Variants in SMYD3 observed in about 807,000 individuals in gnomAD.
The protein encoded by SMYD3 is SET and MYND domain containing 3, also known as histone-lysine N-methyltransferase SMYD3.
Under a neutral mutation model 57.7 loss-of-function variants are expected in SMYD3, and 36 were observed. The observed-to-expected ratio is 0.62, with a 90% CI of 0.48 to 0.82. The LOEUF is 0.82. Among genes scored for constraint, SMYD3 ranks in the 40% least tolerant of loss-of-function variants. The probability of loss-of-function intolerance (pLI) is 0.00; values close to 1 mark genes in which losing one functional copy is unlikely to be tolerated. For synonymous variants in SMYD3, 211 were observed against 195.0 expected, an observed-to-expected ratio of 1.08 and a Z score of -0.68; for missense variants, 515 against 538.8, an observed-to-expected ratio of 0.96 and a Z score of 0.44.
At chr1:245,984,088 C>A (rs1048221490) in intron 5 of SMYD3, among the ~76,000 whole-genome samples, 1 of 151,172 alleles carries the variant, frequency 6.6e-6, no homozygotes, top group East Asian at 2.0e-4. Context: ...CAACCTCTGC[C>A]TTCTGGGTTC....
At chr1:246,076,091 A>G (rs1046825374) in intron 5 of SMYD3, among the ~76,000 whole-genome samples, 1 of 152,190 alleles carries the variant, frequency 6.6e-6, no homozygotes, top group African/African-American at 2.4e-5. Context: ...ATTCATCTGC[A>G]TAAGAAATGG....
In SMYD3 at chr1:246,297,485, T is replaced by A. The variant is rs564625335; in HGVS notation, c.531+29716A>T. Among the ~76,000 whole-genome samples, 4 of 152,226 alleles carry A rather than the reference T, an allele frequency of 2.6e-5. No individual in the cohort carries two copies. The East Asian group carries it at 7.7e-4, about 29-fold the overall frequency. On this transcript the variant is annotated intron_variant, in intron 5 of 11. Transcript: ENST00000490107. ...AAACAACGCATCCAAGAATTTGTCT[T>A]ATATTCTAAGATCAAGAACCCTCAA... is the stretch of plus-strand genomic sequence containing the variant.
At chr1:246,224,996 G>A (rs12037023) in intron 5 of SMYD3, among the ~76,000 whole-genome samples, 40,190 of 151,666 alleles carry the variant, frequency 0.26, 6,054 homozygotes, top group East Asian at 0.58. Flanking sequence ...ACCAGTAGAT[G>A]GCTGGACATA....
At chr1:245,766,400 TAAAAAA>T (rs35500837) in intron 10 of SMYD3, among the ~76,000 whole-genome samples, 3 of 101,766 alleles carry the variant, frequency 2.9e-5, no homozygotes, top group Non-Finnish European at 4.0e-5. Flanking sequence ...GACTCTGTCT[TAAAAAA>T]AAAAAAAAAA....
chr1:245,787,998 T>C (rs1391271374), intron 10 of SMYD3, among the ~76,000 whole-genome samples: 1 of 152,150 alleles, frequency 6.6e-6, no homozygotes, highest in Non-Finnish European at 1.5e-5. Flanking sequence ...GCAAGATGCA[T>C]GGATGGGACC....
intron 5 of SMYD3, among the ~76,000 whole-genome samples, chr1:246,118,646 C>T (rs1308723526): frequency 6.6e-6 from 1 of 152,188 alleles, no homozygotes; most frequent in Non-Finnish European, 1.5e-5. Context: ...CTTTGTAAAT[C>T]AACATCTGAT....
At chr1:246,373,889 C>G (rs1330015491) in intron 1 of SMYD3, among the ~76,000 whole-genome samples, 2 of 152,100 alleles carry the variant, frequency 1.3e-5, no homozygotes, top group Non-Finnish European at 2.9e-5. Flanking sequence ...CAAGATATGA[C>G]AGAAATTAAA....
At chr1:246,498,519 G>C (rs2068403228) in intron 1 of SMYD3, among the ~76,000 whole-genome samples, 1 of 152,090 alleles carries the variant, frequency 6.6e-6, no homozygotes, top group South Asian at 2.1e-4. Flanking sequence ...GGATCACGAG[G>C]TCAGGAGATC....
intron 4 of SMYD3, among the ~76,000 whole-genome samples, chr1:246,327,670 GTTC>G (rs1041522440): frequency 2.0e-5 from 3 of 152,180 alleles, no homozygotes; most frequent in African/African-American, 4.8e-5. Flanking sequence ...ACAATTATCA[GTTC>G]TTATTAAGTC....
At chr1:246,147,109 C>T (rs1396486190) in intron 5 of SMYD3, among the ~76,000 whole-genome samples, 1 of 152,108 alleles carries the variant, frequency 6.6e-6, no homozygotes, top group Non-Finnish European at 1.5e-5. Flanking sequence ...TGCTTCCATC[C>T]GAGTCCATAT....
intron 5 of SMYD3, among the ~76,000 whole-genome samples, chr1:246,086,125 C>T (rs929213231): frequency 6.6e-6 from 1 of 151,900 alleles, no homozygotes; most frequent in African/African-American, 2.4e-5. Context: ...AGAATGCCCT[C>T]TTTGGTTCTC....
chr1:245,804,639 G>A (rs1306626704), intron 10 of SMYD3, among the ~76,000 whole-genome samples: 1 of 152,214 alleles, frequency 6.6e-6, no homozygotes, highest in South Asian at 2.1e-4. Context: ...ATTAAGCCAT[G>A]AGGGCTCTGC....
chr1:246,348,060 T>TTTTATATATATATATATATA (rs1553336532), intron 2 of SMYD3, among the ~76,000 whole-genome samples: 1 of 82,978 alleles, frequency 1.2e-5, no homozygotes, highest in African/African-American at 4.2e-5. Context: ...AAAGAAAACG[T>TTTTATATATATATATATATA]TATATATATA....
In SMYD3 at chr1:246,129,404, TAA is replaced by T. The variant is rs60507407; in HGVS notation, c.531+197795_531+197796del. Among the ~76,000 whole-genome samples the T allele has an allele frequency of 2.0e-3, 284 of 142,434 alleles. 4 individuals are homozygous for T. The highest frequency in any genetic ancestry group is 6.7e-3 in the African/African-American group (262 of 39,304). 93.4% of individuals were successfully genotyped at this position (142,434 alleles called of 152,430 possible). On this transcript the variant is annotated intron_variant, in intron 5 of 11. Coordinates refer to ENST00000490107, the MANE Select transcript of SMYD3 (RefSeq NM_001167740.2). ...AAGGAAATTTATTCATCAAATACAG[TAA>T]AAAAAAAAAAAGTAGAAATTAAGAA...
In SMYD3 at chr1:246,422,273, T is replaced by C. The variant is rs12042241; in HGVS notation, c.165-67179A>G. Among the ~76,000 whole-genome samples the C allele has an allele frequency of 9.8e-5, 15 of 152,302 alleles. No homozygotes were observed. The East Asian group carries it at 2.9e-3, about 29-fold the overall frequency. On this transcript the variant is annotated intron_variant, in intron 1 of 11. Coordinates refer to ENST00000490107, the MANE Select transcript of SMYD3 (RefSeq NM_001167740.2). ...TAAGGAAGAGGCCTTGTTAGGATCT[T>C]GTTTAGAATAAATAGATAAATATAT...
rs1173574600 is a variant in SMYD3 at position 246,348,060 on chromosome 1, T to TCATATATATATATATATATA, written c.228+6970_228+6971insTATATATATATATATATATG. 6.0e-4 allele frequency among the ~76,000 whole-genome samples: 50 copies of TCATATATATATATATATATA among 82,998 alleles called. 2 individuals carry two copies. The East Asian group carries it at 7.7e-3, about 13-fold the overall frequency. The allele number at this position is 82,998 out of a possible 152,430, so 54.4% of individuals were successfully genotyped here. A position where few individuals can be genotyped will look rare whatever the true frequency, so the allele number is the denominator to read the frequency against. Reference sequence around the variant, plus strand: ...ATTGGTGGACTGAATAAAGAAAACGTTATATATATATATATATACACACAC... The same window carrying TCATATATATATATATATATA: ...ATTGGTGGACTGAATAAAGAAAACGTCATATATATATATATATATATATATATATATATATATACACACAC... On this transcript the variant is annotated intron_variant, in intron 2 of 11. Transcript: ENST00000490107.
At chr1:246,324,559 C>T (rs1198403008) in intron 5 of SMYD3, among the ~76,000 whole-genome samples, 2 of 151,554 alleles carry the variant, frequency 1.3e-5, no homozygotes, top group Admixed American at 6.6e-5. Context: ...CAGGTATAGC[C>T]AGCCTTGTTG....
chr1:246,369,700 A>T (rs958269622), intron 1 of SMYD3, among the ~76,000 whole-genome samples: 11 of 151,652 alleles, frequency 7.3e-5, no homozygotes, highest in African/African-American at 2.4e-4. Flanking sequence ...CTAATTTTTT[A>T]AATTATTTGT....
chr1:246,339,984 G>A (rs139463739), intron 2 of SMYD3, among the ~76,000 whole-genome samples: 60 of 152,146 alleles, frequency 3.9e-4, no homozygotes, highest in African/African-American at 1.3e-3. Flanking sequence ...CCCAGTCTGC[G>A]GCACTCTGTT....
Sources: gnomAD v4.1 joint callset for allele counts (sites outside exome capture counted in the v4.1 genomes callset) on GRCh38, gnomAD v4.1.1 for gene constraint, MANE v1.5 for transcripts, NCBI Gene and HGNC (gene_info 2026-07-23, HGNC 2026-07-21) for gene names.